SH3BP1: variants seen among roughly 807,000 people sequenced by gnomAD.
SH3BP1 encodes the protein SH3 domain binding protein 1, also known as SH3 domain-binding protein 1.
In SH3BP1, 46 loss-of-function variants were observed where a neutral mutation model predicts 69.8. The ratio of observed to expected loss-of-function variants is 0.66; its 90% CI spans 0.52 to 0.84. The LOEUF (loss-of-function observed/expected upper bound fraction) is 0.84. SH3BP1 is among the 40% of genes least tolerant of loss of function. The pLI is 0.00. For missense variants in SH3BP1, 868 were observed against 930.9 expected, an observed-to-expected ratio of 0.93 and a Z score of 0.88; for synonymous variants, 403 against 378.0, an observed-to-expected ratio of 1.07 and a Z score of -0.77.
chr22:37,648,246 G>A, intron 13 of SH3BP1, 73 bp from the exon 14 acceptor site: 1 of 1,062,496 alleles, frequency 9.4e-7, no homozygotes, highest in Non-Finnish European at 1.4e-6. Context: ...CACACTCTTT[G>A]GAAACCCTGG....
chr22:37,643,909 A>G (rs976122039), intron 7 of SH3BP1, 121 bp downstream of exon 7: 8 of 1,119,074 alleles, frequency 7.1e-6, no homozygotes, highest in Non-Finnish European at 1.0e-5. Context: ...CCACGTGGCT[A>G]GGAGCCAGCA....
chr22:37,644,703 C>T lies in SH3BP1; in HGVS notation c.685C>T (p.Arg229Cys), dbSNP rs1292222568. ...GGACTCCTATGCCAACTACTTCATT[C>T]GTGTGAGTCCAAGACCGGGCCCCAG... The part of the protein sequence containing the change: ...KEDSYANYFI[R>C]LLEIQADYHR... Residue 229 changes from arginine to cysteine, a missense_variant and splice_region_variant, in exon 8 of 18, where the codon CGT becomes TGT. Arg to Cys is a radical substitution (Grantham distance 180, BLOSUM62 -3). Transcript: ENST00000649765. 5 of 1,614,200 alleles carry T rather than the reference C, an allele frequency of 3.1e-6. No homozygotes were observed. Among genetic ancestry groups the T allele is most frequent in the Non-Finnish European group, 3.4e-6 (4 of 1,180,010 alleles).
intron 3 of SH3BP1, 101 bp downstream of exon 3, chr22:37,641,579 G>A: frequency 1.0e-6 from 1 of 968,618 alleles, no homozygotes; most frequent in Non-Finnish European, 1.5e-6. Flanking sequence ...CTGAGTGTCT[G>A]GCACCAAGGG....
At chr22:37,652,812 T>G (rs1416275374) in intron 16 of SH3BP1, among the ~76,000 whole-genome samples, 29 of 96,092 alleles carry the variant, frequency 3.0e-4, no homozygotes, top group East Asian at 5.9e-4. Context: ...GCAACAAGAG[T>G]GAAACTCCAT....
intron 16 of SH3BP1, among the ~76,000 whole-genome samples, chr22:37,652,649 T>C (rs947423853): frequency 1.3e-3 from 172 of 134,346 alleles, no homozygotes; most frequent in East Asian, 3.7e-3. Context: ...CATGGTGAAA[T>C]CCCATCTCTA....
Position 37,655,607 on chromosome 22 carries a change from G to A in SH3BP1, c.2029G>A (p.Ala677Thr), listed in dbSNP as rs1353949106. 2 of 1,576,542 alleles carry A rather than the reference G, an allele frequency of 1.3e-6. No individual in the cohort carries two copies. The highest frequency in any genetic ancestry group is 1.7e-6 in the Non-Finnish European group (2 of 1,161,642). ...CACAGCAGAGGGAGGAGCCCCTGAG[G>A]CTATCAGTGGGGTCCCCACTCCCCC... ...AATAEGGAPE[A>T]ISGVPTPPAI... Residue 677 changes from alanine (A) to threonine (T), a missense_variant, in exon 18 of 18, where the codon GCT (alanine) becomes ACT (threonine). Around this residue, in one of 3 missense-constraint regions of SH3BP1, gnomAD observed 474 missense variants for 462.3 expected, o/e 1.03. Coordinates refer to ENST00000649765, the MANE Select transcript of SH3BP1 (RefSeq NM_018957.6).
intron 11 of SH3BP1, 24 bp downstream of exon 11, chr22:37,646,953 G>A (rs1449246788): frequency 6.8e-7 from 1 of 1,468,702 alleles, no homozygotes; most frequent in Non-Finnish European, 9.1e-7. Flanking sequence ...GGAGCCCTGG[G>A]CAGGAGGTTG....
intron 9 of SH3BP1, 116 bp from the exon 10 acceptor site, chr22:37,645,249 G>A: frequency 7.7e-7 from 1 of 1,298,508 alleles, no homozygotes; most frequent in East Asian, 2.3e-5. Flanking sequence ...TTTCAGATGT[G>A]TGCCTGGACA....
intron 6 of SH3BP1, 109 bp downstream of exon 6, chr22:37,643,283 G>A: frequency 1.0e-6 from 1 of 974,098 alleles, no homozygotes; most frequent in Non-Finnish European, 1.6e-6. Context: ...GGTCTGCTGA[G>A]TACAGTGTGT....
chr22:37,648,718 T>C, intron 14 of SH3BP1: 1 of 335,958 alleles, frequency 3.0e-6, no homozygotes, highest in Non-Finnish European at 5.6e-6. Context: ...TTTTTTTTTT[T>C]TTGAGATGGA....
chr22:37,652,066 C>A (rs1242222784), intron 16 of SH3BP1, among the ~76,000 whole-genome samples: 1 of 152,176 alleles, frequency 6.6e-6, no homozygotes, highest in Non-Finnish European at 1.5e-5. Flanking sequence ...TGGCTCACGC[C>A]TGTAATCCCA....
At chr22:37,654,197 G>A (rs1932950941) in intron 17 of SH3BP1, among the ~76,000 whole-genome samples, 1 of 152,212 alleles carries the variant, frequency 6.6e-6, no homozygotes. Context: ...GGGAGCCGGC[G>A]TGAGTACTGG....
chr22:37,652,242 A>G (rs9622671), intron 16 of SH3BP1, among the ~76,000 whole-genome samples: 22,399 of 151,466 alleles, frequency 0.15, 2,839 homozygotes, highest in African/African-American at 0.34. Flanking sequence ...CCCAGGAGGC[A>G]GAGCTTGCAG....
chr22:37,654,999 C>T (rs9619697), intron 17 of SH3BP1, among the ~76,000 whole-genome samples: 2 of 143,152 alleles, frequency 1.4e-5, no homozygotes, highest in South Asian at 4.7e-4. Flanking sequence ...TTTCAGAGAA[C>T]AAAAAGTCCT....
At chr22:37,640,113 C>G (rs1349151639) in intron 1 of SH3BP1, among the ~76,000 whole-genome samples, 1 of 152,178 alleles carries the variant, frequency 6.6e-6, no homozygotes. Context: ...GCTCTCTGCC[C>G]TAGGACGCTG....
Position 37,644,714 on chromosome 22 carries a change from A to C in SH3BP1, c.687+9A>C. ...CCAACTACTTCATTCGTGTGAGTCC[A>C]AGACCGGGCCCCAGCCATCCAGAGT... On this transcript the variant is annotated intron_variant, in intron 8 of 17. Coordinates refer to ENST00000649765, the MANE Select transcript of SH3BP1 (RefSeq NM_018957.6). 4 of 1,614,162 alleles carry C rather than the reference A, an allele frequency of 2.5e-6. No individual in the cohort carries two copies. The highest frequency in any genetic ancestry group is 3.4e-6 in the Non-Finnish European group (4 of 1,179,982).
intron 9 of SH3BP1, 45 bp from the exon 10 acceptor site, chr22:37,645,301 GTGCCCCTGCCTGACTGCTC>G: frequency 6.5e-7 from 1 of 1,544,764 alleles, no homozygotes. Flanking sequence ...TGAAGGGGGG[GTGCCCCTGCCTGACTGCTC>G]GGGGTGGGAA....
rs1189676271 is a variant in SH3BP1, at chr22:37,639,746, C to G, written c.-42C>G. 2 of 1,341,604 alleles carry G rather than the reference C, an allele frequency of 1.5e-6. No homozygotes were observed. The highest frequency in any genetic ancestry group is 3.1e-5 in the African/African-American group (2 of 65,322). The allele number at this position is 1,341,604 out of a possible 1,614,324, so 83.1% of individuals were successfully genotyped here. ...CTGGACCGGGGGCTCCCCGGGCCCG[C>G]GACCCCCGCCGTGACCCCGCAGCCC... On this transcript the variant is annotated 5_prime_UTR_variant, in exon 1 of 18. Transcript: ENST00000649765.
intron 3 of SH3BP1, 105 bp downstream of exon 3, chr22:37,641,583 C>G (rs550361747): frequency 2.0e-4 from 190 of 950,966 alleles, no homozygotes; most frequent in African/African-American, 1.9e-3. Flanking sequence ...GTGTCTGGCA[C>G]CAAGGGCATG....
Sources: gnomAD v4.1 joint callset for allele counts (sites outside exome capture counted in the v4.1 genomes callset) on GRCh38, gnomAD v4.1.1 for gene constraint, gnomAD v4.1.1 regional missense constraint, MANE v1.5 for transcripts, NCBI Gene and HGNC (gene_info 2026-07-23, HGNC 2026-07-21) for gene names.